The following LRRTM4 variants were observed in gnomAD, a reference collection of about 807,000 sequenced individuals.
LRRTM4 encodes the protein leucine rich repeat transmembrane neuronal 4.
LRRTM4 carries 25 observed loss-of-function variants against 47.6 expected under a neutral mutation model. The observed-to-expected ratio is 0.53, with a 90% confidence interval of 0.38 to 0.73. LRRTM4 has a LOEUF of 0.73. Among genes scored for constraint, LRRTM4 ranks in the 30% least tolerant of loss-of-function variants. LRRTM4 has a pLI of 0.00. For synonymous variants in LRRTM4, 311 were observed against 269.5 expected, an observed-to-expected ratio of 1.15 and a Z score of -1.51; for missense variants, 638 against 713.4, an observed-to-expected ratio of 0.89 and a Z score of 1.20.
At chr2:77,001,184 A>G (rs1677413815) in intron 3 of LRRTM4, among the ~76,000 whole-genome samples, 1 of 152,166 alleles carries the variant, frequency 6.6e-6, no homozygotes, top group East Asian at 1.9e-4. Flanking sequence ...CAGCTGCTGC[A>G]GAGAAACCTG....
At chr2:77,275,031 G>A (rs888177046) in intron 3 of LRRTM4, among the ~76,000 whole-genome samples, 3 of 151,924 alleles carry the variant, frequency 2.0e-5, no homozygotes, top group South Asian at 2.1e-4. Flanking sequence ...GAAACTACAC[G>A]CTGTCCAAAT....
Position 77,519,943 on chromosome 2 carries a change from C to T in LRRTM4, c.5-79G>A. On this transcript the variant is annotated intron_variant, in intron 2 of 3. Coordinates refer to ENST00000409884, the MANE Select transcript of LRRTM4 (RefSeq NM_001134745.3). This position sits in a 1 kb window ranked among gnomAD's most constrained non-coding sequence, Gnocchi z 4.6. The stretch of plus-strand genomic sequence containing the variant: ...ACCGTCGGTTTACCAACAACAGGGG[C>T]ATTTCCTCTAGTGTAGGAATGGGAC... 1.4e-6 allele frequency: 2 copies of T among 1,462,984 alleles called. No homozygotes were observed. The allele number at this position is 1,462,984 out of a possible 1,614,324, so 90.6% of individuals were successfully genotyped here.
At chr2:77,420,789 A>AT (rs1473128418) in intron 3 of LRRTM4, among the ~76,000 whole-genome samples, 1 of 146,446 alleles carries the variant, frequency 6.8e-6, no homozygotes, top group Non-Finnish European at 1.5e-5. Context: ...ATGTATATAT[A>AT]TATATAATAC....
chr2:76,895,181 A>G (rs1292339567), intron 3 of LRRTM4, among the ~76,000 whole-genome samples: 1 of 152,042 alleles, frequency 6.6e-6, no homozygotes, highest in Non-Finnish European at 1.5e-5. Flanking sequence ...TAATATTTAT[A>G]GCATCCTGTG....
At chr2:77,137,057 A>T (rs1272240737) in intron 3 of LRRTM4, among the ~76,000 whole-genome samples, 1 of 151,922 alleles carries the variant, frequency 6.6e-6, no homozygotes, top group African/African-American at 2.4e-5. Flanking sequence ...ACTCTGCAAG[A>T]TATTATCCAG....
chr2:77,059,403 C>G (rs7607753), intron 3 of LRRTM4, among the ~76,000 whole-genome samples: 29,960 of 151,772 alleles, frequency 0.2, 3,784 homozygotes, highest in African/African-American at 0.36. Context: ...AGCTTCAGCA[C>G]TTAGATATTA....
chr2:77,314,014 C>A (rs1677548012), intron 3 of LRRTM4, among the ~76,000 whole-genome samples: 1 of 152,138 alleles, frequency 6.6e-6, no homozygotes, highest in African/African-American at 2.4e-5. Flanking sequence ...CTTGCTATCA[C>A]CAAATAGTTT....
chr2:77,495,566 T>C (rs1218712283), intron 3 of LRRTM4, among the ~76,000 whole-genome samples: 1 of 152,078 alleles, frequency 6.6e-6, no homozygotes, highest in Non-Finnish European at 1.5e-5. Flanking sequence ...ATCAAATTGG[T>C]ATGAGGCATG....
At chr2:76,861,806 C>T (rs1368899492) in intron 3 of LRRTM4, among the ~76,000 whole-genome samples, 1 of 152,068 alleles carries the variant, frequency 6.6e-6, no homozygotes, top group Non-Finnish European at 1.5e-5. Context: ...ATTGAATTTC[C>T]CATGACATAA....
Position 77,306,897 on chromosome 2 carries a change from ATT to A in LRRTM4, c.1551+211419_1551+211420del, listed in dbSNP as rs774697360. Among the ~76,000 whole-genome samples, 177 of 112,378 alleles carry A rather than the reference ATT, an allele frequency of 1.6e-3. 3 individuals are homozygous for A. The highest frequency in any genetic ancestry group is 6.9e-3 in the African/African-American group (160 of 23,128). The allele number at this position is 112,378 out of a possible 152,430, so 73.7% of individuals were successfully genotyped here. On this transcript the variant is annotated intron_variant, in intron 3 of 3. Transcript: ENST00000409884. Reference sequence around the variant, plus strand: ...AAATAGCTATATACTGCTTTTCCATATTTTTTTTTTTTTTTTTTTTGAGATGG... The same window carrying A: ...AAATAGCTATATACTGCTTTTCCATATTTTTTTTTTTTTTTTTTGAGATGG...
intron 3 of LRRTM4, among the ~76,000 whole-genome samples, chr2:76,923,897 T>G (rs1482538271): frequency 6.6e-6 from 1 of 152,120 alleles, no homozygotes; most frequent in African/African-American, 2.4e-5. Context: ...TTGCCTTTTT[T>G]TACATTCCTG....
chr2:77,151,350 C>A (rs1357476567), intron 3 of LRRTM4, among the ~76,000 whole-genome samples: 1 of 152,116 alleles, frequency 6.6e-6, no homozygotes, highest in East Asian at 1.9e-4. Context: ...CCCCTGGCAA[C>A]CCCTATTGTA....
intron 3 of LRRTM4, among the ~76,000 whole-genome samples, chr2:76,813,023 G>A (rs1371300595): frequency 2.0e-5 from 3 of 151,866 alleles, no homozygotes; most frequent in Non-Finnish European, 4.4e-5. Context: ...AAATTAGCTG[G>A]CATGGTGGTG....
At position 77,459,071 on chromosome 2, in the gene LRRTM4, T is replaced by C. The variant is rs1676675308; in HGVS notation, c.1551+59247A>G. ...ACCTGAAATACATCACAATCTGTTA[T>C]TTATATTTATTCAAAAAGTTCAGAC... On this transcript the variant is annotated intron_variant, in intron 3 of 3. Transcript: ENST00000409884. Among the ~76,000 whole-genome samples, 4 of 152,120 alleles carry C rather than the reference T, an allele frequency of 2.6e-5. No individual in the cohort carries two copies. In the South Asian group the frequency reaches 6.2e-4, roughly 24 times the overall value.
intron 3 of LRRTM4, among the ~76,000 whole-genome samples, chr2:77,456,886 C>A (rs1307208542): frequency 6.7e-6 from 1 of 149,578 alleles, no homozygotes; most frequent in East Asian, 2.0e-4. Context: ...CTCTACATTT[C>A]TTTGATTACA....
intron 3 of LRRTM4, among the ~76,000 whole-genome samples, chr2:76,831,672 A>G (rs1403518753): frequency 1.3e-5 from 2 of 152,162 alleles, no homozygotes; most frequent in Non-Finnish European, 2.9e-5. Context: ...TGGTGTAATG[A>G]ATATGTTCAC....
rs77423706 is a variant in LRRTM4, at chr2:77,409,162, A to G, written c.1551+109156T>C. Among the ~76,000 whole-genome samples the G allele has an allele frequency of 1.2e-3, 176 of 152,350 alleles. 2 individuals carry two copies. The East Asian group carries it at 0.027, about 23-fold the overall frequency. ...CACAGGATTAATATTATAACTAAAT[A>G]TAATAATATGTGTAAGAGTGTCTGA... On this transcript the variant is annotated intron_variant, in intron 3 of 3. Coordinates refer to ENST00000409884, the MANE Select transcript of LRRTM4 (RefSeq NM_001134745.3).
chr2:77,059,777 A>G (rs1036456674), intron 3 of LRRTM4, among the ~76,000 whole-genome samples: 3 of 152,188 alleles, frequency 2.0e-5, no homozygotes, highest in Non-Finnish European at 4.4e-5. Context: ...AAAGCAAAAT[A>G]CATTTTACCC....
At chr2:76,817,905 T>G (rs1293924132) in intron 3 of LRRTM4, among the ~76,000 whole-genome samples, 7 of 151,972 alleles carry the variant, frequency 4.6e-5, no homozygotes, top group African/African-American at 7.2e-5. Context: ...GAAGAGGAAT[T>G]GTGTTATTTA....
Sources: allele counts gnomAD v4.1 joint callset (sites outside exome capture counted in the v4.1 genomes callset), GRCh38; gene constraint gnomAD v4.1.1; non-coding constraint Gnocchi (gnomAD v3.1); transcripts MANE v1.5; gene names NCBI Gene and HGNC (gene_info 2026-07-23, HGNC 2026-07-21).